Variants in DMAP1 observed in about 807,000 individuals in gnomAD.
DMAP1 encodes the protein DNA methyltransferase 1-associated protein 1.
In DMAP1, 26 loss-of-function variants were observed where a neutral mutation model predicts 52.7. The observed-to-expected ratio is 0.49, with a 90% CI of 0.36 to 0.68. The LOEUF (loss-of-function observed/expected upper bound fraction) is 0.68, where lower values mean the gene tolerates loss of function less well. Among genes scored for constraint, DMAP1 ranks in the 30% least tolerant of loss-of-function variants. The pLI is 0.00. For synonymous variants in DMAP1, 231 were observed against 246.0 expected (o/e 0.94, Z 0.57); for missense variants, 439 against 625.2 (o/e 0.70, Z 3.18).
At chr1:44,214,237 G>A in intron 1 of DMAP1, 113 bp from the exon 2 acceptor site, 1 of 1,001,542 alleles carries the variant, frequency 1.0e-6, no homozygotes, top group South Asian at 1.4e-5. Flanking sequence ...CAGTGTGTCA[G>A]TTTGCCTGTC....
At chr1:44,214,958 C>G in intron 3 of DMAP1, 60 bp downstream of exon 3, 1 of 1,595,764 alleles carries the variant, frequency 6.3e-7, no homozygotes, top group Admixed American at 1.7e-5. Flanking sequence ...GCCATTTGTG[C>G]GAGCTCTCCA....
At chr1:44,214,265 T>A in intron 1 of DMAP1, 85 bp from the exon 2 acceptor site, 2 of 1,285,732 alleles carry the variant, frequency 1.6e-6, no homozygotes, top group Non-Finnish European at 2.2e-6. Flanking sequence ...CTGTAGGTGC[T>A]GCTTTGTTCA....
intron 6 of DMAP1, 28 bp from the exon 7 acceptor site, chr1:44,219,370 GTGACACCT>G (rs1381866596): frequency 3.9e-6 from 6 of 1,550,634 alleles, no homozygotes; most frequent in Admixed American, 2.0e-5. Context: ...CCCTCTCCCT[GTGACACCT>G]TGGTCTCCAT....
Position 44,218,466 on chromosome 1 carries a change from C to G in DMAP1, c.549C>G (p.Phe183Leu). ...VIHDRYDHQQ[F>L]KKRSVEDLKE... ...ATGACCGGTATGACCACCAGCAGTTCAAGGTGAGCCATTGTGTATTTGCAT... is the reference window on the plus strand; with the variant it reads ...ATGACCGGTATGACCACCAGCAGTTGAAGGTGAGCCATTGTGTATTTGCAT... Residue 183 changes from phenylalanine to leucine, a missense_variant, in exon 4 of 10, where the codon TTC becomes TTG. Phe to Leu is a conservative substitution (Grantham distance 22). Coordinates refer to ENST00000372289, the MANE Select transcript of DMAP1 (RefSeq NM_019100.5). This position sits in a 1 kb window ranked among gnomAD's most constrained non-coding sequence, Gnocchi z 5.6. 4 of 1,614,064 alleles carry G rather than the reference C, an allele frequency of 2.5e-6. No individual in the cohort carries two copies. The highest frequency in any genetic ancestry group is 1.7e-6 in the Non-Finnish European group (2 of 1,179,930).
In DMAP1 at chr1:44,220,007, C is replaced by G; in HGVS notation, c.1052-10C>G. The stretch of plus-strand genomic sequence containing the variant: ...GGGCTCTGCCCGTGCTGCCTGCCGC[C>G]TGCCTGCAGAGCTGAGCCCGACACC... On this transcript the variant is annotated splice_polypyrimidine_tract_variant and intron_variant, in intron 8 of 9. Coordinates refer to ENST00000372289, the MANE Select transcript of DMAP1 (RefSeq NM_019100.5). 6.3e-7 allele frequency: 1 copy of G among 1,598,416 alleles called. No individual in the cohort carries two copies. The highest frequency in any genetic ancestry group is 2.2e-5 in the East Asian group (1 of 44,558).
chr1:44,214,408 G>C lies in DMAP1; in HGVS notation c.164G>C (p.Arg55Pro). 1 of 1,614,074 alleles carries C rather than the reference G, an allele frequency of 6.2e-7. No individual in the cohort carries two copies. The change falls in exon 2 of 10, where the codon CGG becomes CCG. Residue 55 changes from arginine (R) to proline (P), a missense_variant. Arg to Pro is a moderately radical substitution (Grantham distance 103). This residue lies in a region of DMAP1 where 118 missense variants were observed against 189.8 expected (regional missense o/e 0.62). Transcript: ENST00000372289. ...LTFKRPEGMHREVYALLYSDK... is the reference protein window; with the variant it reads ...LTFKRPEGMHPEVYALLYSDK... ...TTCAAGAGGCCCGAGGGCATGCACC[G>C]GGAAGTCTATGCCTTGCTCTACTCT...
chr1:44,217,906 G>A (rs1643826914), intron 3 of DMAP1: 1 of 293,808 alleles, frequency 3.4e-6, no homozygotes, highest in Non-Finnish European at 6.8e-6. Context: ...TGCCCACTGG[G>A]TGGCAGTAGT....
rs982485153 is a variant in DMAP1 at position 44,219,306 on chromosome 1, G to A, written c.906+65G>A. ...CACCTGGCACAAGGCCTCACCCCGA[G>A]TGGAGGGTTCTGAGAGTACCCAGTG... On this transcript the variant is annotated intron_variant, in intron 6 of 9. Transcript: ENST00000372289. 1.0e-5 allele frequency: 16 copies of A among 1,577,280 alleles called. No homozygotes were observed. The African/African-American group carries it at 1.6e-4, about 16-fold the overall frequency.
In DMAP1 at chr1:44,218,184, C is replaced by G; in HGVS notation, c.394-127C>G. The G allele has an allele frequency of 1.6e-6, 2 of 1,284,508 alleles. No individual in the cohort carries two copies. The highest frequency in any genetic ancestry group is 2.3e-6 in the Non-Finnish European group (2 of 882,374). 79.6% of individuals were successfully genotyped at this position (1,284,508 alleles called of 1,614,324 possible). A position where few individuals can be genotyped will look rare whatever the true frequency, so the allele number is the denominator to read the frequency against. The stretch of plus-strand genomic sequence containing the variant: ...CAAGCAGACAAGTTCTTTCCTCACT[C>G]CATGCTGCAGGGGCACAGGCCCAGG... On this transcript the variant is annotated intron_variant, in intron 3 of 9. Coordinates refer to ENST00000372289, the MANE Select transcript of DMAP1 (RefSeq NM_019100.5). The surrounding 1 kb of genome is among the most constrained non-coding windows in gnomAD (Gnocchi z 5.6).
At chr1:44,219,378 T>C (rs770170183) in intron 6 of DMAP1, 28 bp from the exon 7 acceptor site, 2 of 1,555,448 alleles carry the variant, frequency 1.3e-6, no homozygotes, top group Non-Finnish European at 1.7e-6. Context: ...CTGTGACACC[T>C]TGGTCTCCAT....
intron 6 of DMAP1, 77 bp from the exon 7 acceptor site, chr1:44,219,329 G>A: frequency 1.9e-6 from 3 of 1,553,066 alleles, no homozygotes; most frequent in Non-Finnish European, 2.6e-6. Context: ...AGAGTACCCA[G>A]TGCTGATGGG....
chr1:44,215,694 A>C (rs1246975658), intron 3 of DMAP1: 6 of 205,094 alleles, frequency 2.9e-5, no homozygotes, highest in African/African-American at 4.7e-5. Flanking sequence ...TGCCAGTGAT[A>C]CATCTATTTA....
rs141586055 is a variant in DMAP1, at chr1:44,218,592, G to A, written c.557G>A (p.Arg186His). The A allele has an allele frequency of 3.9e-5, 63 of 1,610,488 alleles. No individual in the cohort carries two copies. The highest frequency in any genetic ancestry group is 5.1e-5 in the Non-Finnish European group (60 of 1,177,164). Reference protein sequence around the residue: ...DRYDHQQFKKRSVEDLKERYY... With the variant: ...DRYDHQQFKKHSVEDLKERYY... ...CTACCCTGTCTTGCTCCTCAGAAGC[G>A]TTCTGTGGAAGACCTGAAGGAGCGG... is the stretch of plus-strand genomic sequence containing the variant. The change falls in exon 5 of 10, where the codon CGT becomes CAT. Residue 186 changes from arginine (R) to histidine (H), a missense_variant. Arg to His is a conservative substitution (Grantham distance 29). Transcript: ENST00000372289. The surrounding 1 kb of genome is among the most constrained non-coding windows in gnomAD (Gnocchi z 5.6).
intron 1 of DMAP1, 83 bp from the exon 2 acceptor site, chr1:44,214,267 C>G (rs747908738): frequency 2.4e-5 from 32 of 1,319,638 alleles, no homozygotes; most frequent in Non-Finnish European, 3.3e-5. Flanking sequence ...GTAGGTGCTG[C>G]TTTGTTCAGG....
In DMAP1 at chr1:44,218,266, G is replaced by T; in HGVS notation, c.394-45G>T. 6.2e-7 allele frequency: 1 copy of T among 1,613,990 alleles called. No individual in the cohort carries two copies. Among genetic ancestry groups the T allele is most frequent in the South Asian group, 1.1e-5 (1 of 91,032 alleles). Reference sequence around the variant, plus strand: ...CTGGGGCCTGGAGCCTGCTGGACATGACATCATGCGGGCATGCCCCTACTG... The same window carrying T: ...CTGGGGCCTGGAGCCTGCTGGACATTACATCATGCGGGCATGCCCCTACTG... On this transcript the variant is annotated intron_variant, in intron 3 of 9. Transcript: ENST00000372289. The surrounding 1 kb of genome is among the most constrained non-coding windows in gnomAD (Gnocchi z 5.6).
intron 2 of DMAP1, 29 bp from the exon 3 acceptor site, chr1:44,214,674 C>T (rs1360801727): frequency 6.2e-7 from 1 of 1,611,874 alleles, no homozygotes; most frequent in African/African-American, 1.3e-5. Context: ...CTGATTCTAA[C>T]CTCGCATCTC....
chr1:44,214,976 A>G, intron 3 of DMAP1, 78 bp downstream of exon 3: 1 of 1,566,988 alleles, frequency 6.4e-7, no homozygotes, highest in Admixed American at 1.8e-5. Flanking sequence ...CCAGTCTCCT[A>G]GGGTTGGTTC....
At chr1:44,215,414 C>T in intron 3 of DMAP1, 1 of 443,662 alleles carries the variant, frequency 2.3e-6, no homozygotes, top group East Asian at 7.1e-5. Context: ...CCCAGTTGCC[C>T]AAACCAGAAA....
Position 44,220,277 on chromosome 1 carries a change from G to A in DMAP1, c.1312G>A (p.Asp438Asn). 1 of 1,558,678 alleles carries A rather than the reference G, an allele frequency of 6.4e-7. No individual in the cohort carries two copies. Among genetic ancestry groups the A allele is most frequent in the Non-Finnish European group, 8.7e-7 (1 of 1,147,376 alleles). Reference protein sequence around the residue: ...LGPDPKDTIIDVVGAPLTPNS... With the variant: ...LGPDPKDTIINVVGAPLTPNS... ...TCCTGACCCCAAGGACACCATCATTGATGTGGTGGGCGCACCCCTCACGCC... is the reference window on the plus strand; with the variant it reads ...TCCTGACCCCAAGGACACCATCATTAATGTGGTGGGCGCACCCCTCACGCC... Residue 438 changes from aspartate to asparagine, a missense_variant, in exon 9 of 10, where the codon GAT (aspartate) becomes AAT (asparagine). Asp to Asn is a conservative substitution (Grantham distance 23, BLOSUM62 1). This residue lies in a region of DMAP1 where 179 missense variants were observed against 285.9 expected (regional missense o/e 0.63). Coordinates refer to ENST00000372289, the MANE Select transcript of DMAP1 (RefSeq NM_019100.5).
Sources: allele counts gnomAD v4.1 joint callset, GRCh38; gene constraint gnomAD v4.1.1; regional missense constraint gnomAD v4.1.1; non-coding constraint Gnocchi (gnomAD v3.1); transcripts MANE v1.5; gene names NCBI Gene and HGNC (gene_info 2026-07-23, HGNC 2026-07-21).